ELF1: variants seen among roughly 807,000 people sequenced by gnomAD.
The protein encoded by ELF1 is E74 like ETS transcription factor 1, also known as ETS-related transcription factor Elf-1.
A neutral mutation model predicts 59.9 loss-of-function variants in ELF1; 24 were observed. That is an observed-to-expected ratio of 0.40 (90% confidence interval 0.29 to 0.56). The LOEUF is 0.56. Among genes scored for constraint, ELF1 ranks in the 20% least tolerant of loss-of-function variants. ELF1 has a pLI of 0.44. For missense variants in ELF1, 627 were observed against 742.2 expected (o/e 0.84, Z 1.80); for synonymous variants, 248 against 266.2 (o/e 0.93, Z 0.67).
intron 1 of ELF1, among the ~76,000 whole-genome samples, chr13:41,007,390 G>A (rs1173168992): frequency 6.6e-6 from 1 of 152,038 alleles, no homozygotes; most frequent in Non-Finnish European, 1.5e-5. Flanking sequence ...GTCTACTGGA[G>A]GAACTTCATT....
At chr13:40,960,226 A>C (rs1388268560) in intron 2 of ELF1, among the ~76,000 whole-genome samples, 2 of 152,324 alleles carry the variant, frequency 1.3e-5, no homozygotes, top group African/African-American at 4.8e-5. Flanking sequence ...ATCTTTAGAC[A>C]TTATCCAAAT....
chr13:41,024,114 AT>A (rs1875791092), upstream of ELF1, among the ~76,000 whole-genome samples: 1 of 152,166 alleles, frequency 6.6e-6, no homozygotes, highest in Non-Finnish European at 1.5e-5. Context: ...GTATAGACAT[AT>A]TTTATCTCTC....
chr13:41,010,887 AAG>A (rs759155940), intron 1 of ELF1, among the ~76,000 whole-genome samples: 22 of 152,298 alleles, frequency 1.4e-4, no homozygotes, highest in Admixed American at 2.6e-4. Context: ...TATTTCAGGA[AAG>A]AGAGCCAAGG....
chr13:40,967,078 A>C (rs143658079), intron 2 of ELF1, among the ~76,000 whole-genome samples: 5 of 152,348 alleles, frequency 3.3e-5, no homozygotes, highest in African/African-American at 9.6e-5. Flanking sequence ...CTTTGAGACA[A>C]ATCCCTGTGC....
intron 1 of ELF1, among the ~76,000 whole-genome samples, chr13:41,033,043 G>C (rs1177023922): frequency 3.9e-5 from 6 of 152,086 alleles, no homozygotes; most frequent in African/African-American, 1.4e-4. Context: ...AATTACCCCT[G>C]CTATTATTAT....
intron 1 of ELF1, chr13:41,060,756 A>T (rs1877525371): frequency 5.9e-6 from 1 of 168,158 alleles, no homozygotes; most frequent in Non-Finnish European, 1.3e-5. Context: ...CCGGGAGTCG[A>T]ACCCGGGCCA....
chr13:41,056,682 G>C (rs1877298271), intron 1 of ELF1, among the ~76,000 whole-genome samples: 1 of 152,086 alleles, frequency 6.6e-6, no homozygotes, highest in Admixed American at 6.5e-5. Flanking sequence ...CTTGCCTTCA[G>C]GGAACTTATA....
At chr13:41,017,322 G>T (rs554078138) in intron 1 of ELF1, among the ~76,000 whole-genome samples, 7 of 152,168 alleles carry the variant, frequency 4.6e-5, no homozygotes, top group Non-Finnish European at 1.0e-4. Context: ...AGCAGTTCCA[G>T]ACTGCGAAGC....
intron 1 of ELF1, among the ~76,000 whole-genome samples, chr13:40,987,077 A>C (rs1486134552): frequency 6.7e-6 from 1 of 149,978 alleles, no homozygotes. Context: ...CTGGGACTAC[A>C]GGCGCCCGCC....
At chr13:40,985,250 A>T (rs1422512662) in intron 1 of ELF1, among the ~76,000 whole-genome samples, 2 of 152,108 alleles carry the variant, frequency 1.3e-5, no homozygotes, top group Non-Finnish European at 2.9e-5. Flanking sequence ...ACATTTTCTG[A>T]TACCTGATCC....
At chr13:40,942,804 G>A (rs927942454) in intron 7 of ELF1, 148 bp downstream of exon 7, 2 of 821,510 alleles carry the variant, frequency 2.4e-6, no homozygotes, top group South Asian at 3.8e-5. Context: ...TTACAGGCAT[G>A]AGCCACCGCA....
chr13:41,027,694 C>A (rs980445366), intron 1 of ELF1, among the ~76,000 whole-genome samples: 1 of 152,190 alleles, frequency 6.6e-6, no homozygotes, highest in African/African-American at 2.4e-5. Flanking sequence ...TCCATGAACT[C>A]ACAGAATGCC....
chr13:40,967,758 A>ATT (rs368951830), intron 2 of ELF1, among the ~76,000 whole-genome samples: 2 of 144,622 alleles, frequency 1.4e-5, no homozygotes, highest in African/African-American at 2.5e-5. Context: ...TGTCTGGCTA[A>ATT]TTTTTTTTTT....
intron 1 of ELF1, among the ~76,000 whole-genome samples, chr13:41,006,117 A>G (rs1310979437): frequency 6.6e-6 from 1 of 152,208 alleles, no homozygotes; most frequent in East Asian, 1.9e-4. Flanking sequence ...TAAGCATGGT[A>G]GTAGGCTCCT....
intron 3 of ELF1, among the ~76,000 whole-genome samples, chr13:40,956,002 C>T (rs556159908): frequency 6.9e-6 from 1 of 144,316 alleles, no homozygotes; most frequent in African/African-American, 2.5e-5. Context: ...GTGAGGGGCG[C>T]CTCTGCCTGG....
At chr13:40,997,948 T>C (rs2138324678) in intron 1 of ELF1, among the ~76,000 whole-genome samples, 1 of 152,076 alleles carries the variant, frequency 6.6e-6, no homozygotes, top group South Asian at 2.1e-4. Context: ...GCCAGGAGTT[T>C]GAGACCAGCC....
At chr13:40,974,296 C>A (rs1426131643) in intron 2 of ELF1, among the ~76,000 whole-genome samples, 1 of 152,096 alleles carries the variant, frequency 6.6e-6, no homozygotes, top group African/African-American at 2.4e-5. Flanking sequence ...TTGCCAAAAT[C>A]ATAAATGCAG....
intron 2 of ELF1, among the ~76,000 whole-genome samples, chr13:40,972,039 C>A (rs953333088): frequency 6.6e-6 from 1 of 151,906 alleles, no homozygotes; most frequent in Admixed American, 6.6e-5. Flanking sequence ...GTAGTCACTA[C>A]CAGACAGGTA....
At chr13:41,045,041 G>T (rs1566199107) in intron 1 of ELF1, among the ~76,000 whole-genome samples, 1 of 152,060 alleles carries the variant, frequency 6.6e-6, no homozygotes, top group Non-Finnish European at 1.5e-5. Context: ...ATGTGTCAAG[G>T]AATTTATCCA....
Sources: gnomAD v4.1 joint callset for allele counts (sites outside exome capture counted in the v4.1 genomes callset) on GRCh38, gnomAD v4.1.1 for gene constraint, MANE v1.5 for transcripts, NCBI Gene and HGNC (gene_info 2026-07-23, HGNC 2026-07-21) for gene names.